The following SOX5 variants were observed in gnomAD, a reference collection of about 807,000 sequenced individuals.
SOX5 encodes transcription factor SOX-5.
A neutral mutation model predicts 92.0 loss-of-function variants in SOX5; 9 were observed. The ratio of observed to expected loss-of-function variants is 0.10; its 90% CI spans 0.06 to 0.17. SOX5 has a LOEUF of 0.17. Among genes scored for constraint, SOX5 ranks in the 10% least tolerant of loss-of-function variants. The probability of loss-of-function intolerance (pLI) is 1.00; values close to 1 mark genes in which losing one functional copy is unlikely to be tolerated. For missense variants in SOX5, 642 were observed against 944.5 expected, an observed-to-expected ratio of 0.68 and a Z score of 4.20; for synonymous variants, 344 against 336.3, an observed-to-expected ratio of 1.02 and a Z score of -0.25.
At chr12:24,137,184 T>C (rs1950181033) in intron 4 of SOX5, among the ~76,000 whole-genome samples, 2 of 152,190 alleles carry the variant, frequency 1.3e-5, no homozygotes, top group South Asian at 4.1e-4. Context: ...ATAAATGCAG[T>C]CATTACTGAC....
chr12:23,950,775 A>G (rs1048645418), upstream of SOX5: 51 of 1,132,212 alleles, frequency 4.5e-5, no homozygotes, highest in African/African-American at 7.1e-4. Context: ...CCAATTATCT[A>G]GATAAAAATC....
At chr12:24,145,013 G>A (rs902786287) in intron 4 of SOX5, among the ~76,000 whole-genome samples, 1 of 151,980 alleles carries the variant, frequency 6.6e-6, no homozygotes, top group African/African-American at 2.4e-5. Flanking sequence ...AATCACCTGA[G>A]CCTGGGAAGG....
At chr12:24,494,390 A>G (rs1424136014) in intron 1 of SOX5, among the ~76,000 whole-genome samples, 1 of 152,252 alleles carries the variant, frequency 6.6e-6, no homozygotes, top group Non-Finnish European at 1.5e-5. Flanking sequence ...ACAGCAAATA[A>G]TAATACCTTT....
At chr12:23,754,875 A>G (rs2094312077) in intron 4 of SOX5, among the ~76,000 whole-genome samples, 2 of 151,862 alleles carry the variant, frequency 1.3e-5, no homozygotes, top group South Asian at 2.1e-4. Context: ...GTACACAGTA[A>G]TATATAACTA....
chr12:23,824,617 C>A (rs2096192641), intron 3 of SOX5, among the ~76,000 whole-genome samples: 1 of 152,060 alleles, frequency 6.6e-6, no homozygotes, highest in Non-Finnish European at 1.5e-5. Flanking sequence ...AGGCAGTCTG[C>A]CGGGAGATCC....
chr12:24,171,236 T>TTTTTGTTTTGTTTTG (rs1954106823), intron 4 of SOX5, among the ~76,000 whole-genome samples: 1 of 130,220 alleles, frequency 7.7e-6, no homozygotes, highest in Non-Finnish European at 1.7e-5. Context: ...TTTGTTTTTT[T>TTTTTGTTTTGTTTTG]TTTTGGAGAC....
At chr12:24,397,446 G>A (rs1306881835) in intron 1 of SOX5, among the ~76,000 whole-genome samples, 2 of 151,932 alleles carry the variant, frequency 1.3e-5, no homozygotes, top group African/African-American at 4.8e-5. Context: ...AGTCATCACT[G>A]GACAATAATA....
chr12:24,323,972 G>A (rs1950443408), intron 2 of SOX5, among the ~76,000 whole-genome samples: 1 of 152,092 alleles, frequency 6.6e-6, no homozygotes, highest in South Asian at 2.1e-4. Flanking sequence ...ATAAATGTAA[G>A]AAATGATTAT....
intron 8 of SOX5, among the ~76,000 whole-genome samples, chr12:23,639,627 A>G (rs1320608229): frequency 2.6e-5 from 4 of 152,240 alleles, no homozygotes; most frequent in Admixed American, 2.0e-4. Context: ...ACTTCCCAAG[A>G]CATTTCCAGC....
chr12:23,642,298 G>T (rs1171107354), intron 7 of SOX5, among the ~76,000 whole-genome samples: 2 of 152,144 alleles, frequency 1.3e-5, no homozygotes, highest in Admixed American at 1.3e-4. Context: ...AAAGCTTACA[G>T]TTTAATGGGA....
intron 2 of SOX5, among the ~76,000 whole-genome samples, chr12:24,279,398 G>C (rs10743497): frequency 6.6e-6 from 1 of 151,956 alleles, no homozygotes; most frequent in East Asian, 1.9e-4. Context: ...TTTAATTACA[G>C]AGCAGTGAAA....
At chr12:24,098,853 A>G (rs1427839775) in intron 4 of SOX5, among the ~76,000 whole-genome samples, 1 of 152,136 alleles carries the variant, frequency 6.6e-6, no homozygotes, top group African/African-American at 2.4e-5. Flanking sequence ...ATGTGTCCAT[A>G]TGCTCAGACT....
At chr12:24,184,597 T>C (rs1449477960) in intron 4 of SOX5, among the ~76,000 whole-genome samples, 1 of 152,136 alleles carries the variant, frequency 6.6e-6, no homozygotes, top group Non-Finnish European at 1.5e-5. Context: ...GCTAATAACC[T>C]CACTATTTCT....
chr12:24,463,954 C>G (rs1943932500), intron 1 of SOX5, among the ~76,000 whole-genome samples: 1 of 152,152 alleles, frequency 6.6e-6, no homozygotes, highest in Non-Finnish European at 1.5e-5. Context: ...TGTTTATTGG[C>G]TTTATTTAGC....
intron 6 of SOX5, among the ~76,000 whole-genome samples, chr12:23,684,234 C>T (rs935987183): frequency 6.6e-6 from 1 of 151,990 alleles, no homozygotes; most frequent in Non-Finnish European, 1.5e-5. Flanking sequence ...TCTTCCAAAC[C>T]TAATGACGGT....
chr12:24,101,039 CCTT>C (rs1946035066), intron 4 of SOX5, among the ~76,000 whole-genome samples: 1 of 152,060 alleles, frequency 6.6e-6, no homozygotes, highest in Non-Finnish European at 1.5e-5. Flanking sequence ...TTACTACTGA[CCTT>C]CTCCAACACC....
chr12:24,251,950 T>TA (rs71059994), intron 3 of SOX5, among the ~76,000 whole-genome samples: 74,843 of 148,326 alleles, frequency 0.5, 20,529 homozygotes, highest in East Asian at 0.84. Context: ...ACCCAGTTAT[T>TA]AAAAAAAAAA....
chr12:24,361,127 A>G (rs1955508920), intron 2 of SOX5, among the ~76,000 whole-genome samples: 1 of 152,126 alleles, frequency 6.6e-6, no homozygotes. Context: ...AGAATATTCC[A>G]TGCAGTTTTG....
At chr12:23,639,403 T>G (rs1312726674) in intron 8 of SOX5, among the ~76,000 whole-genome samples, 1 of 152,180 alleles carries the variant, frequency 6.6e-6, no homozygotes, top group East Asian at 1.9e-4. Context: ...CAAAGGAGAA[T>G]GTCTAACTTG....
Sources: allele counts gnomAD v4.1 joint callset (sites outside exome capture counted in the v4.1 genomes callset), GRCh38; gene constraint gnomAD v4.1.1; transcripts MANE v1.5; gene names NCBI Gene and HGNC (gene_info 2026-07-23, HGNC 2026-07-21).